The following ALAD variants were observed in gnomAD, a reference collection of about 807,000 sequenced individuals.
ALAD encodes delta-aminolevulinic acid dehydratase.
In ALAD, 20 loss-of-function variants were observed where a neutral mutation model predicts 44.4. The ratio of observed to expected loss-of-function variants is 0.45; its 90% confidence interval spans 0.32 to 0.65. The LOEUF (loss-of-function observed/expected upper bound fraction) is 0.65, where lower values mean the gene tolerates loss of function less well. Among genes scored for constraint, ALAD ranks in the 30% least tolerant of loss-of-function variants. ALAD has a pLI of 0.05. For missense variants in ALAD, 323 were observed against 445.7 expected (o/e 0.72, Z 2.48); for synonymous variants, 156 against 167.9 (o/e 0.93, Z 0.55).
chr9:113,390,456 T>A lies in ALAD; in HGVS notation c.519A>T (p.Gly173=). ...GGGCCTCTTTGATGGCTTCCACGCGTCCATCCATCATGTCCGACGGGGCTA... is the reference window on the plus strand; with the variant it reads ...GGGCCTCTTTGATGGCTTCCACGCGACCATCCATCATGTCCGACGGGGCTA... ...QVVAPSDMMD[G]RVEAIKEALM... is the part of the protein sequence containing the mutation. Residue 173 remains glycine, a synonymous_variant, in exon 7 of 12, where the codon GGA becomes GGT. Coordinates refer to ENST00000409155, the MANE Select transcript of ALAD (RefSeq NM_000031.6). 6.2e-7 allele frequency: 1 copy of A among 1,614,158 alleles called. No homozygotes were observed. Among genetic ancestry groups the A allele is most frequent in the Non-Finnish European group, 8.5e-7 (1 of 1,180,032 alleles).
intron 1 of ALAD, among the ~76,000 whole-genome samples, chr9:113,397,769 C>T (rs1171132476): frequency 6.6e-6 from 1 of 151,912 alleles, no homozygotes; most frequent in Non-Finnish European, 1.5e-5. Context: ...GGACTACAGG[C>T]ATGCATGACC....
chr9:113,390,232 G>A (rs1443737087), intron 7 of ALAD, among the ~76,000 whole-genome samples, 173 bp downstream of exon 7: 2 of 152,122 alleles, frequency 1.3e-5, no homozygotes, highest in Non-Finnish European at 2.9e-5. Flanking sequence ...ATGTTGGCCA[G>A]GCTGGTCTTG....
rs777754248 is a variant in ALAD, at chr9:113,390,529, C to A, written c.482-36G>T. On this transcript the variant is annotated intron_variant, in intron 6 of 11. Coordinates refer to ENST00000409155, the MANE Select transcript of ALAD (RefSeq NM_000031.6). ...GAGGGTGGCCTTCAGAACTCTGGGG[C>A]CCTCCTAGCCACTCTGCCACCTCCT... 8.1e-6 allele frequency: 13 copies of A among 1,613,274 alleles called. 1 individual carries two copies. The South Asian group carries it at 1.1e-4, about 14-fold the overall frequency.
At position 113,388,255 on chromosome 9, in the gene ALAD, G is replaced by A. The variant is rs765774746; in HGVS notation, c.*45C>T. 44 of 1,598,294 alleles carry A rather than the reference G, an allele frequency of 2.8e-5. No homozygotes were observed. Among genetic ancestry groups the A allele is most frequent in the African/African-American group, 1.7e-4 (13 of 74,572 alleles). On this transcript the variant is annotated 3_prime_UTR_variant, in exon 12 of 12. Transcript: ENST00000409155. ...TTGGTTTTCACTTGTCTGAGGCCCC[G>A]GGAACGTTTTAAAGTTCTAGTTCTT...
In ALAD at chr9:113,390,400, C is replaced by G. The variant is rs991201898; in HGVS notation, c.570+5G>C. ...CCAGCCCTGTGCTGCATTCCCTGCC[C>G]TTACCCTGTTGCCAAGTCCATGTGC... On this transcript the variant is annotated splice_donor_5th_base_variant and intron_variant, in intron 7 of 11. Transcript: ENST00000409155. 1 of 1,613,774 alleles carries G rather than the reference C, an allele frequency of 6.2e-7. No homozygotes were observed. Among genetic ancestry groups the G allele is most frequent in the Non-Finnish European group, 8.5e-7 (1 of 1,179,972 alleles).
Position 113,390,951 on chromosome 9 carries a change from A to T in ALAD, c.262-18T>A. ...CGCTCGTCCTAGGGGCAGGGGAGGG[A>T]CAAAGCAGTGTGTCTATTACATGTA... is the stretch of plus-strand genomic sequence containing the variant. On this transcript the variant is annotated intron_variant, in intron 4 of 11. Transcript: ENST00000409155. The T allele has an allele frequency of 6.2e-7, 1 of 1,613,862 alleles. No individual in the cohort carries two copies. Among genetic ancestry groups the T allele is most frequent in the Non-Finnish European group, 8.5e-7 (1 of 1,179,994 alleles).
In ALAD at chr9:113,388,904, G is replaced by A. The variant is rs148683351; in HGVS notation, c.931+73C>T. The A allele has an allele frequency of 1.2e-4, 198 of 1,608,956 alleles. 1 individual carries two copies. In the East Asian group the frequency reaches 3.3e-3, roughly 27 times the overall value. On this transcript the variant is annotated intron_variant, in intron 11 of 11. Transcript: ENST00000409155. ...TAAGATCCCAAGCTCTCAGGACGTC[G>A]TTCCCCAATCTAGGCAGAGTGCTTA...
Position 113,391,679 on chromosome 9 carries a change from C to G in ALAD, c.165-56G>C. On this transcript the variant is annotated intron_variant, in intron 3 of 11. Transcript: ENST00000409155. ...AAGGCAGGTCCCAGGCAACGGTCCT[C>G]CGGACCCCACCACACTGTGTGCCTC... 2.2e-6 allele frequency: 3 copies of G among 1,385,108 alleles called. No individual in the cohort carries two copies. In the South Asian group the frequency reaches 3.5e-5, roughly 16 times the overall value. The allele number at this position is 1,385,108 out of a possible 1,614,324, so 85.8% of individuals were successfully genotyped here.
chr9:113,395,640 A>C (rs1220725812), intron 1 of ALAD, among the ~76,000 whole-genome samples: 1 of 152,214 alleles, frequency 6.6e-6, no homozygotes, highest in Non-Finnish European at 1.5e-5. Flanking sequence ...TGGCATTTTC[A>C]CAGGTGATTT....
rs1451885647 is a variant in ALAD at position 113,388,059 on chromosome 9, G to A, written c.*241C>T. 1.4e-5 allele frequency: 8 copies of A among 559,244 alleles called. No homozygotes were observed. Among genetic ancestry groups the A allele is most frequent in the Non-Finnish European group, 2.3e-5 (7 of 308,510 alleles). The allele number at this position is 559,244 out of a possible 1,614,324, so 34.6% of individuals were successfully genotyped here. A position where few individuals can be genotyped will look rare whatever the true frequency, so the allele number is the denominator to read the frequency against. On this transcript the variant is annotated 3_prime_UTR_variant, in exon 12 of 12. Coordinates refer to ENST00000409155, the MANE Select transcript of ALAD (RefSeq NM_000031.6). ...GAAAGAGCTGAGGGTGGCAAAGGTG[G>A]GCCTCACGGCTGACCCAGGGGAGGG...
In ALAD at chr9:113,393,395, A is replaced by G. The variant is rs1005280848; in HGVS notation, c.113+52T>C. On this transcript the variant is annotated intron_variant, in intron 2 of 11. Coordinates refer to ENST00000409155, the MANE Select transcript of ALAD (RefSeq NM_000031.6). The stretch of plus-strand genomic sequence containing the variant: ...CGCTCCAGTCAACACTCCCTCCCCA[A>G]CCCCAACCCCAACCAGCAGAGCAGA... 7.3e-6 allele frequency: 11 copies of G among 1,500,280 alleles called. No homozygotes were observed. The African/African-American group carries it at 1.4e-4, about 19-fold the overall frequency. 92.9% of individuals were successfully genotyped at this position (1,500,280 alleles called of 1,614,324 possible). A position where few individuals can be genotyped will look rare whatever the true frequency, so the allele number is the denominator to read the frequency against.
chr9:113,397,613 T>C (rs1486846652), intron 1 of ALAD, among the ~76,000 whole-genome samples: 2 of 148,198 alleles, frequency 1.3e-5, no homozygotes, highest in Non-Finnish European at 3.0e-5. Flanking sequence ...GAGTTTTTTT[T>C]CCTTTTCTTT....
rs61407580 is a variant in ALAD, at chr9:113,390,344, C to T, written c.570+61G>A. 1.4e-3 allele frequency: 2,108 copies of T among 1,546,262 alleles called. 26 individuals are homozygous for T. In the African/African-American group the frequency reaches 0.025, roughly 18 times the overall value. Reference sequence around the variant, plus strand: ...GCAGTTCTGTGATTCTTAGCAGACACGGGGGCAGGGCTGGTGCAGACTATC... The same window carrying T: ...GCAGTTCTGTGATTCTTAGCAGACATGGGGGCAGGGCTGGTGCAGACTATC... On this transcript the variant is annotated intron_variant, in intron 7 of 11. Coordinates refer to ENST00000409155, the MANE Select transcript of ALAD (RefSeq NM_000031.6).
At chr9:113,398,453 CTT>C (rs1827786610) in intron 1 of ALAD, among the ~76,000 whole-genome samples, 3 of 152,192 alleles carry the variant, frequency 2.0e-5, no homozygotes, top group Non-Finnish European at 4.4e-5. Flanking sequence ...CTGGCTCCTG[CTT>C]AGCAGAAACC....
rs191971289 is a variant in ALAD at position 113,386,657 on chromosome 9, G to C, written c.*1643C>G. On this transcript the variant is annotated 3_prime_UTR_variant, in exon 12 of 12. Transcript: ENST00000409155. ...CACAGTGGTTAGGGGCAGAGGCCTT[G>C]GAGTTGGACTACATGGGTTCAAATC... is the stretch of plus-strand genomic sequence containing the variant. 1 of 152,344 alleles carries C rather than the reference G, an allele frequency of 6.6e-6. No individual in the cohort carries two copies. The highest frequency in any genetic ancestry group is 1.9e-4 in the East Asian group (1 of 5,190). The allele number at this position is 152,344 out of a possible 1,614,324, so 9.4% of individuals were successfully genotyped here. A position where few individuals can be genotyped will look rare whatever the true frequency, so the allele number is the denominator to read the frequency against.
intron 10 of ALAD, 107 bp downstream of exon 10, chr9:113,389,331 G>T: frequency 7.2e-7 from 1 of 1,391,694 alleles, no homozygotes; most frequent in Non-Finnish European, 1.0e-6. Context: ...AAGGGGAGGA[G>T]AGGATGCATG....
intron 1 of ALAD, among the ~76,000 whole-genome samples, chr9:113,398,742 C>A (rs563666626): frequency 6.6e-6 from 1 of 152,206 alleles, no homozygotes; most frequent in Admixed American, 6.5e-5. Flanking sequence ...ACTGACCCTG[C>A]AGCTCCTGGC....
At position 113,390,915 on chromosome 9, in the gene ALAD, C is replaced by T. The variant is rs1373744419; in HGVS notation, c.280G>A (p.Ala94Thr). The T allele has an allele frequency of 7.4e-6, 12 of 1,613,970 alleles. No individual in the cohort carries two copies. The highest frequency in any genetic ancestry group is 9.3e-6 in the Non-Finnish European group (11 of 1,180,032). The part of the protein sequence containing the change: ...RVPKDERGSA[A>T]DSEESPAIEA... Reference sequence around the variant, plus strand: ...ATAGCTGGGGACTCCTCGGAGTCAGCTGCGGAACCCCGCTCGTCCTAGGGG... The same window carrying T: ...ATAGCTGGGGACTCCTCGGAGTCAGTTGCGGAACCCCGCTCGTCCTAGGGG... Residue 94 changes from alanine to threonine, a missense_variant, in exon 5 of 12, where the codon GCT becomes ACT. Transcript: ENST00000409155.
chr9:113,393,714 G>A, intron 1 of ALAD, 80 bp from the exon 2 acceptor site: 1 of 640,100 alleles, frequency 1.6e-6, no homozygotes, highest in Non-Finnish European at 2.8e-6. Flanking sequence ...AGCTCTTCTA[G>A]ATTCCTGCCT....
Sources: gnomAD v4.1 joint callset for allele counts (sites outside exome capture counted in the v4.1 genomes callset) on GRCh38, gnomAD v4.1.1 for gene constraint, MANE v1.5 for transcripts, NCBI Gene and HGNC (gene_info 2026-07-23, HGNC 2026-07-21) for gene names.